Variants in LYRM1 observed in about 807,000 individuals in gnomAD.
LYRM1 encodes LYR motif containing 1, also known as LYR motif-containing protein 1.
In LYRM1, 14 loss-of-function variants were observed where a neutral mutation model predicts 14.9. That is an observed-to-expected ratio of 0.94 (90% confidence interval 0.62 to 1.47). The LOEUF (loss-of-function observed/expected upper bound fraction) is 1.47. Ranked by LOEUF, LYRM1 falls within the 40% of genes most tolerant of loss-of-function variation. LYRM1 has a pLI of 0.00. For synonymous variants in LYRM1, 43 were observed against 56.2 expected, an observed-to-expected ratio of 0.77 and a Z score of 1.05; for missense variants, 153 against 149.9, an observed-to-expected ratio of 1.02 and a Z score of -0.11.
In LYRM1 at chr16:20,901,444, G is replaced by T. The variant is rs1206306273; in HGVS notation, c.-1+555G>T. ...CGGATGAGGTGACAGAAGATGGGGGGAGGGCCCCTCGAAATCGGGTAAGGT... is the reference window on the plus strand; with the variant it reads ...CGGATGAGGTGACAGAAGATGGGGGTAGGGCCCCTCGAAATCGGGTAAGGT... On this transcript the variant is annotated intron_variant, in intron 1 of 3. Coordinates refer to ENST00000567954, the MANE Select transcript of LYRM1 (RefSeq NM_001128302.3). The surrounding 1 kb of genome is among the most constrained non-coding windows in gnomAD (Gnocchi z 4.6). 1.3e-5 allele frequency among the ~76,000 whole-genome samples: 2 copies of T among 152,226 alleles called. No individual in the cohort carries two copies. The highest frequency in any genetic ancestry group is 2.9e-5 in the Non-Finnish European group (2 of 68,042).
At chr16:20,913,099 T>A (rs1044217080) in intron 1 of LYRM1, among the ~76,000 whole-genome samples, 19 of 143,696 alleles carry the variant, frequency 1.3e-4, no homozygotes, top group Non-Finnish European at 2.3e-4. Context: ...ATAATAATAA[T>A]TAAATAAATA....
chr16:20,902,179 G>T (rs1226637785), intron 1 of LYRM1, among the ~76,000 whole-genome samples: 1 of 152,234 alleles, frequency 6.6e-6, no homozygotes, highest in Non-Finnish European at 1.5e-5. Flanking sequence ...TATTTGGGAG[G>T]TAGTGCTTGC....
In LYRM1 at chr16:20,905,259, A is replaced by G. The variant is rs374012446; in HGVS notation, c.-1+4370A>G. On this transcript the variant is annotated intron_variant, in intron 1 of 3. Transcript: ENST00000567954. ...TGATGTTACATGGATTATTTCATGAATAATCCTTACGACTCTGAAAGGGGT... is the reference window on the plus strand; with the variant it reads ...TGATGTTACATGGATTATTTCATGAGTAATCCTTACGACTCTGAAAGGGGT... 1.5e-4 allele frequency among the ~76,000 whole-genome samples: 23 copies of G among 152,184 alleles called. 2 individuals carry two copies. Among genetic ancestry groups the G allele is most frequent in the Admixed American group, 1.2e-3 (19 of 15,272 alleles).
intron 1 of LYRM1, among the ~76,000 whole-genome samples, chr16:20,906,542 GAA>G (rs2082331346): frequency 6.6e-6 from 1 of 152,218 alleles, no homozygotes; most frequent in Non-Finnish European, 1.5e-5. Flanking sequence ...CCTGGGGCTT[GAA>G]AATCAGGGTA....
rs138137943 is a variant in LYRM1 at position 20,922,181 on chromosome 16, G to A, written c.253-1819G>A. Among the ~76,000 whole-genome samples the A allele has an allele frequency of 2.6e-4, 39 of 152,010 alleles. No individual in the cohort carries two copies. The East Asian group carries it at 6.4e-3, about 25-fold the overall frequency. On this transcript the variant is annotated intron_variant, in intron 3 of 3. Coordinates refer to ENST00000567954, the MANE Select transcript of LYRM1 (RefSeq NM_001128302.3). ...ATTTTTGTATTTTTAGTAGTAACAGGGTTTCACCATGTTGGCCAGGCTGGT... is the reference window on the plus strand; with the variant it reads ...ATTTTTGTATTTTTAGTAGTAACAGAGTTTCACCATGTTGGCCAGGCTGGT...
intron 2 of LYRM1, among the ~76,000 whole-genome samples, chr16:20,918,933 A>G (rs923107765): frequency 4.0e-4 from 61 of 150,892 alleles, no homozygotes; most frequent in African/African-American, 1.4e-3. Context: ...AAGAGGTACC[A>G]TAGGACAGGA....
At chr16:20,914,272 C>T (rs1283623218) in intron 1 of LYRM1, among the ~76,000 whole-genome samples, 2 of 141,150 alleles carry the variant, frequency 1.4e-5, no homozygotes, top group African/African-American at 5.2e-5. Context: ...CCTGTACAGT[C>T]GTCACTTTTT....
intron 1 of LYRM1, among the ~76,000 whole-genome samples, chr16:20,905,803 C>G (rs1156376337): frequency 1.3e-5 from 2 of 152,106 alleles, no homozygotes; most frequent in African/African-American, 4.8e-5. Flanking sequence ...GGATTCCTCC[C>G]CAAGTAACAC....
chr16:20,905,363 A>G (rs2082269993), intron 1 of LYRM1, among the ~76,000 whole-genome samples: 2 of 152,194 alleles, frequency 1.3e-5, no homozygotes, highest in Admixed American at 1.3e-4. Flanking sequence ...TAAAGTCAAG[A>G]TTCAAACCCA....
intron 1 of LYRM1, among the ~76,000 whole-genome samples, chr16:20,906,766 A>G (rs1737677987): frequency 6.6e-6 from 1 of 152,162 alleles, no homozygotes; most frequent in Non-Finnish European, 1.5e-5. Context: ...AGGCAGAGGA[A>G]CTGTTCCAGA....
At chr16:20,909,441 A>G (rs1471635590) in intron 1 of LYRM1, among the ~76,000 whole-genome samples, 1 of 152,240 alleles carries the variant, frequency 6.6e-6, no homozygotes, top group Non-Finnish European at 1.5e-5. Context: ...ATCTACATGG[A>G]TAGACTTCGT....
chr16:20,916,164 G>A (rs765697555), intron 2 of LYRM1, among the ~76,000 whole-genome samples: 2 of 152,068 alleles, frequency 1.3e-5, no homozygotes, highest in Non-Finnish European at 2.9e-5. Context: ...TAAGACACAG[G>A]GTTTCCTTCA....
intron 1 of LYRM1, among the ~76,000 whole-genome samples, chr16:20,914,350 G>A (rs938222073): frequency 1.4e-5 from 2 of 144,508 alleles, no homozygotes; most frequent in African/African-American, 5.1e-5. Context: ...GTGCAATGGT[G>A]CAATCTTGGC....
At chr16:20,922,970 G>A (rs1263924759) in intron 3 of LYRM1, among the ~76,000 whole-genome samples, 3 of 152,240 alleles carry the variant, frequency 2.0e-5, no homozygotes, top group East Asian at 3.9e-4. Flanking sequence ...CAGAGAAGAT[G>A]AGGTGTCCCA....
intron 1 of LYRM1, among the ~76,000 whole-genome samples, chr16:20,914,508 C>G (rs963826711): frequency 1.3e-5 from 2 of 149,516 alleles, no homozygotes; most frequent in Admixed American, 6.7e-5. Flanking sequence ...CACCATGTTG[C>G]CCAGGCTAGT....
At chr16:20,915,748 A>T (rs1468507815) in intron 2 of LYRM1, 34 bp downstream of exon 2, 5 of 1,600,508 alleles carry the variant, frequency 3.1e-6, no homozygotes, top group Non-Finnish European at 4.3e-6. Context: ...TGTGCAGAGG[A>T]GAGTTGTTCC....
At chr16:20,904,758 G>A (rs1280286456) in intron 1 of LYRM1, among the ~76,000 whole-genome samples, 7 of 150,736 alleles carry the variant, frequency 4.6e-5, no homozygotes, top group Non-Finnish European at 1.0e-4. Flanking sequence ...GACCAGAAAT[G>A]TATGGAGAAC....
At chr16:20,910,326 C>A (rs2082528786) in intron 1 of LYRM1, among the ~76,000 whole-genome samples, 1 of 152,134 alleles carries the variant, frequency 6.6e-6, no homozygotes, top group Non-Finnish European at 1.5e-5. Flanking sequence ...AGCTTTAGAC[C>A]CTTCTCTCAG....
At position 20,924,994 on chromosome 16, in the gene LYRM1, A is replaced by C. The variant is rs2083378646; in HGVS notation, c.*878A>C. ...GAAGATGGGCATCAGAAATAAAGAC[A>C]AAGCACTATCAATTTTTGTCTGTCT... is the stretch of plus-strand genomic sequence containing the variant. On this transcript the variant is annotated 3_prime_UTR_variant, in exon 4 of 4. Transcript: ENST00000567954. 1 of 152,184 alleles carries C rather than the reference A, an allele frequency of 6.6e-6. No individual in the cohort carries two copies. The highest frequency in any genetic ancestry group is 1.5e-5 in the Non-Finnish European group (1 of 68,042). 9.4% of individuals were successfully genotyped at this position (152,184 alleles called of 1,614,324 possible). A position where few individuals can be genotyped will look rare whatever the true frequency, so the allele number is the denominator to read the frequency against.
Sources: gnomAD v4.1 joint callset for allele counts (sites outside exome capture counted in the v4.1 genomes callset) on GRCh38, gnomAD v4.1.1 for gene constraint, Gnocchi (gnomAD v3.1) non-coding constraint, MANE v1.5 for transcripts, NCBI Gene and HGNC (gene_info 2026-07-23, HGNC 2026-07-21) for gene names.